Variants in THSD7B observed in about 807,000 individuals in gnomAD.
THSD7B encodes thrombospondin type 1 domain containing 7B.
In THSD7B, 138 loss-of-function variants were observed where a neutral mutation model predicts 213.6. The ratio of observed to expected loss-of-function variants is 0.65; its 90% CI spans 0.56 to 0.74. The LOEUF (loss-of-function observed/expected upper bound fraction) is 0.74, where lower values mean the gene tolerates loss of function less well. THSD7B is among the 30% of genes least tolerant of loss of function. THSD7B has a pLI of 0.00. For synonymous variants in THSD7B, 742 were observed against 687.0 expected, an observed-to-expected ratio of 1.08 and a Z score of -1.25; for missense variants, 1,931 against 1,991.5, an observed-to-expected ratio of 0.97 and a Z score of 0.58.
chr2:137,252,285 A>AAC (rs1553482954), intron 10 of THSD7B, among the ~76,000 whole-genome samples: 1 of 150,988 alleles, frequency 6.6e-6, no homozygotes, highest in East Asian at 1.9e-4. Flanking sequence ...AAAAAAAAAA[A>AAC]AAAAACAAAG....
chr2:137,656,338 T>C (rs1297581413), intron 22 of THSD7B, among the ~76,000 whole-genome samples: 1 of 152,110 alleles, frequency 6.6e-6, no homozygotes, highest in African/African-American at 2.4e-5. Flanking sequence ...ATTTCTTGAG[T>C]GAGAAAGATG....
At chr2:137,235,529 G>T (rs1012062253) in intron 9 of THSD7B, among the ~76,000 whole-genome samples, 1 of 152,042 alleles carries the variant, frequency 6.6e-6, no homozygotes, top group Admixed American at 6.6e-5. Context: ...AGAAAAAGTT[G>T]AGTTATATGT....
At chr2:136,917,579 ATC>A (rs1467374898) in intron 2 of THSD7B, among the ~76,000 whole-genome samples, 21 of 152,310 alleles carry the variant, frequency 1.4e-4, no homozygotes, top group African/African-American at 4.8e-4. Flanking sequence ...TCTCCACCAC[ATC>A]TCTGTTATTG....
chr2:137,255,839 G>T (rs1177895146), intron 10 of THSD7B, among the ~76,000 whole-genome samples: 1 of 152,020 alleles, frequency 6.6e-6, no homozygotes, highest in South Asian at 2.1e-4. Context: ...CTACAGGTGC[G>T]TGCCACCACG....
intron 14 of THSD7B, among the ~76,000 whole-genome samples, chr2:137,434,441 A>G (rs565743514): frequency 6.6e-6 from 1 of 152,198 alleles, no homozygotes; most frequent in African/African-American, 2.4e-5. Flanking sequence ...AGGCACTAAC[A>G]TAGGTTTGTG....
At chr2:137,566,778 T>C (rs1681246642) in intron 16 of THSD7B, among the ~76,000 whole-genome samples, 1 of 151,996 alleles carries the variant, frequency 6.6e-6, no homozygotes. Flanking sequence ...ATAATAGCAG[T>C]AGAGAAAAAA....
chr2:137,146,351 C>T (rs1220717854), intron 5 of THSD7B, among the ~76,000 whole-genome samples: 1 of 151,954 alleles, frequency 6.6e-6, no homozygotes, highest in East Asian at 1.9e-4. Flanking sequence ...ACAACAAAGC[C>T]GAGTTTCAAA....
At chr2:136,855,617 ATTTATTTATTTATTTAT>A (rs1225514992) in intron 1 of THSD7B, among the ~76,000 whole-genome samples, 27 of 142,650 alleles carry the variant, frequency 1.9e-4, no homozygotes, top group Non-Finnish European at 4.1e-4. Context: ...TTATTTATTT[ATTTATTTATTTATTTAT>A]TTATTTTTTG....
At chr2:137,006,610 C>G (rs931057227) in intron 2 of THSD7B, among the ~76,000 whole-genome samples, 1 of 152,082 alleles carries the variant, frequency 6.6e-6, no homozygotes, top group African/African-American at 2.4e-5. Flanking sequence ...AGAATAAATG[C>G]CACCAACTCC....
chr2:137,545,847 G>A (rs1380975981), intron 15 of THSD7B, among the ~76,000 whole-genome samples: 1 of 151,794 alleles, frequency 6.6e-6, no homozygotes, highest in African/African-American at 2.4e-5. Flanking sequence ...CTGTCTCTGT[G>A]AGCCTTGCTC....
In THSD7B at chr2:137,232,915, C is replaced by G. The variant is rs1255195559; in HGVS notation, c.1932C>G (p.Pro644=). ...ALAGEGGKPC[P]PSQALQEHRL... ...TTTTGGCAGGTGGAAAGCCATGTCCCCCTAGTCAGGCTCTCCAAGAGCATC... is the reference window on the plus strand; with the variant it reads ...TTTTGGCAGGTGGAAAGCCATGTCCGCCTAGTCAGGCTCTCCAAGAGCATC... The change falls in exon 9 of 28, where the codon CCC becomes CCG. Residue 644 remains proline (P), a synonymous_variant. Coordinates refer to ENST00000409968, the MANE Select transcript of THSD7B (RefSeq NM_001316349.2). 6.2e-7 allele frequency: 1 copy of G among 1,613,866 alleles called. No individual in the cohort carries two copies. Among genetic ancestry groups the G allele is most frequent in the Admixed American group, 1.7e-5 (1 of 60,012 alleles).
chr2:137,524,238 G>T (rs1680237766), intron 15 of THSD7B, among the ~76,000 whole-genome samples: 2 of 151,942 alleles, frequency 1.3e-5, no homozygotes, highest in Non-Finnish European at 2.9e-5. Flanking sequence ...TTTGCTTGGG[G>T]AGGCTTTGCC....
intron 2 of THSD7B, chr2:136,990,789 T>G (rs1335639358): frequency 4.9e-6 from 4 of 811,736 alleles, no homozygotes; most frequent in African/African-American, 1.8e-5. Flanking sequence ...AGATACTGAT[T>G]AGGACACGCC....
At position 137,056,981 on chromosome 2, in the gene THSD7B, T is replaced by G. The variant is rs542684761; in HGVS notation, c.701T>G (p.Leu234Arg). The change falls in exon 3 of 28, where the codon CTT (leucine) becomes CGT (arginine). Residue 234 changes from leucine (L) to arginine (R), a missense_variant. Coordinates refer to ENST00000409968, the MANE Select transcript of THSD7B (RefSeq NM_001316349.2). The stretch of plus-strand genomic sequence containing the variant: ...TGTGATGCTCCCATTTCCTGTCCTC[T>G]TGGGGAAGAGGAATATACATTTAGC... ...RACDAPISCP[L>R]GEEEYTFSLK... is the part of the protein sequence containing the mutation. 6.2e-7 allele frequency: 1 copy of G among 1,613,938 alleles called. No individual in the cohort carries two copies.
intron 1 of THSD7B, among the ~76,000 whole-genome samples, chr2:136,789,453 C>T (rs962821134): frequency 6.6e-6 from 1 of 151,966 alleles, no homozygotes; most frequent in Non-Finnish European, 1.5e-5. Context: ...GGCATATCTA[C>T]CACCTTAAAT....
At chr2:137,407,494 C>T (rs1377271405) in intron 13 of THSD7B, among the ~76,000 whole-genome samples, 4 of 151,846 alleles carry the variant, frequency 2.6e-5, no homozygotes, top group Non-Finnish European at 5.9e-5. Flanking sequence ...GGAAAAAAAT[C>T]CCACTAATGA....
chr2:137,180,193 G>A (rs1289593928), intron 7 of THSD7B, among the ~76,000 whole-genome samples: 2 of 152,140 alleles, frequency 1.3e-5, no homozygotes, highest in African/African-American at 2.4e-5. Flanking sequence ...TGTACAGTAG[G>A]TCAGAGATGG....
chr2:137,467,573 A>G (rs1688019064), intron 15 of THSD7B, among the ~76,000 whole-genome samples: 4 of 152,098 alleles, frequency 2.6e-5, no homozygotes. Flanking sequence ...TTGAGGAGTA[A>G]ATAAGAATGT....
intron 3 of THSD7B, among the ~76,000 whole-genome samples, chr2:137,073,236 G>C (rs1400445727): frequency 6.6e-6 from 1 of 152,070 alleles, no homozygotes; most frequent in African/African-American, 2.4e-5. Flanking sequence ...TCTGGTCCTG[G>C]ACTTTTTTTG....
Sources: allele counts gnomAD v4.1 joint callset (sites outside exome capture counted in the v4.1 genomes callset), GRCh38; gene constraint gnomAD v4.1.1; transcripts MANE v1.5; gene names NCBI Gene and HGNC (gene_info 2026-07-23, HGNC 2026-07-21).